Variants in AASDHPPT observed in about 807,000 individuals in gnomAD.
The protein encoded by AASDHPPT is L-aminoadipate-semialdehyde dehydrogenase-phosphopantetheinyl transferase.
In AASDHPPT, 23 loss-of-function variants were observed where a neutral mutation model predicts 36.4. The ratio of observed to expected loss-of-function variants is 0.63; its 90% CI spans 0.45 to 0.89. The LOEUF is 0.89. Among genes scored for constraint, AASDHPPT ranks in the 40% least tolerant of loss-of-function variants. AASDHPPT has a pLI of 0.00. For missense variants in AASDHPPT, 377 were observed against 378.2 expected (o/e 1.00, Z 0.03); for synonymous variants, 115 against 128.0 (o/e 0.90, Z 0.68).
rs377422618 is a variant in AASDHPPT at position 106,096,870 on chromosome 11, C to T, written c.893C>T (p.Thr298Ile). Residue 298 changes from threonine to isoleucine, a missense_variant, in exon 6 of 6, where the codon ACA becomes ATA. Physicochemically the swap from Thr to Ile is moderately conservative, Grantham distance 89. Coordinates refer to ENST00000278618, the MANE Select transcript of AASDHPPT (RefSeq NM_015423.3). ...DPSFWDCFCFTEEIPIRNGTK... is the reference protein window; with the variant it reads ...DPSFWDCFCFIEEIPIRNGTK... The stretch of plus-strand genomic sequence containing the variant: ...TCATTTTGGGACTGTTTTTGCTTCA[C>T]AGAAGAAATTCCAATACGAAATGGT... The T allele has an allele frequency of 1.2e-6, 2 of 1,609,962 alleles. No homozygotes were observed. Among genetic ancestry groups the T allele is most frequent in the East Asian group, 4.5e-5 (2 of 44,636 alleles).
intron 1 of AASDHPPT, 143 bp downstream of exon 1, chr11:106,078,036 G>A: frequency 8.8e-7 from 1 of 1,136,964 alleles, no homozygotes; most frequent in South Asian, 1.6e-5. Context: ...ACAGCAGCCG[G>A]CGCTGCGGAG....
chr11:106,083,554 T>G (rs906228310), intron 2 of AASDHPPT, among the ~76,000 whole-genome samples: 2 of 152,188 alleles, frequency 1.3e-5, no homozygotes, highest in African/African-American at 2.4e-5. Context: ...AGTAAGGGTC[T>G]TGCCTTACCA....
intron 2 of AASDHPPT, among the ~76,000 whole-genome samples, chr11:106,087,517 T>G (rs541284429): frequency 4.3e-4 from 66 of 152,212 alleles, no homozygotes; most frequent in Non-Finnish European, 8.5e-4. Context: ...TCCACTTCCC[T>G]CAAAAATGAC....
chr11:106,077,860 G>A lies in AASDHPPT; in HGVS notation c.150G>A (p.Gln50=), dbSNP rs771376653. Residue 50 remains glutamine, a synonymous_variant, in exon 1 of 6, where the codon CAG becomes CAA. Coordinates refer to ENST00000278618, the MANE Select transcript of AASDHPPT (RefSeq NM_015423.3). ...CCGAGGAGAAGGAGCGCATTGGCCA[G>A]TTCGTCTTTGCCCGGGACGCTAAGG... The part of the protein sequence containing the change: ...IQPEEKERIG[Q]FVFARDAKAA... 6.8e-6 allele frequency: 11 copies of A among 1,614,194 alleles called. No homozygotes were observed. The highest frequency in any genetic ancestry group is 8.5e-6 in the Non-Finnish European group (10 of 1,179,990).
At chr11:106,078,609 A>G (rs1183006102) in intron 1 of AASDHPPT, among the ~76,000 whole-genome samples, 1 of 152,208 alleles carries the variant, frequency 6.6e-6, no homozygotes, top group East Asian at 1.9e-4. Context: ...ATATTGAAAC[A>G]CTTTCTGTTT....
chr11:106,089,958 A>G (rs1861238261), intron 2 of AASDHPPT, among the ~76,000 whole-genome samples: 1 of 152,040 alleles, frequency 6.6e-6, no homozygotes, highest in African/African-American at 2.4e-5. Context: ...TGAATAAGTC[A>G]TATTAGAAAA....
intron 5 of AASDHPPT, 51 bp downstream of exon 5, chr11:106,094,705 G>C: frequency 7.0e-7 from 1 of 1,420,026 alleles, no homozygotes; most frequent in Non-Finnish European, 9.7e-7. Flanking sequence ...TCAATGTTAA[G>C]TTTGCTCTTT....
chr11:106,090,929 G>C (rs556257274), intron 3 of AASDHPPT, among the ~76,000 whole-genome samples: 1 of 152,046 alleles, frequency 6.6e-6, no homozygotes, highest in African/African-American at 2.4e-5. Context: ...CATTACCATT[G>C]ATAAATAATA....
chr11:106,094,635 A>T lies in AASDHPPT; in HGVS notation c.746A>T (p.Asp249Val). The T allele has an allele frequency of 6.2e-7, 1 of 1,605,822 alleles. No homozygotes were observed. Among genetic ancestry groups the T allele is most frequent in the African/African-American group, 1.3e-5 (1 of 74,708 alleles). The change falls in exon 5 of 6, where the codon GAT becomes GTT. Residue 249 changes from aspartate to valine, a missense_variant. By Grantham distance (152) the Asp-to-Val change is radical. Coordinates refer to ENST00000278618, the MANE Select transcript of AASDHPPT (RefSeq NM_015423.3). ...GTTGCAGTTGCTCTTAGGAAACCCG[A>T]TGGATCTAGACATCAGGATGTAAGA... The part of the protein sequence containing the change: ...HFVAVALRKP[D>V]GSRHQDVPSQ...
At chr11:106,080,919 A>G (rs142981686) in intron 2 of AASDHPPT, among the ~76,000 whole-genome samples, 238 of 152,316 alleles carry the variant, frequency 1.6e-3, no homozygotes, top group African/African-American at 2.8e-3. Context: ...TGAGCCTTCA[A>G]TCTAAGCTAG....
intron 4 of AASDHPPT, 143 bp downstream of exon 4, chr11:106,091,620 A>G (rs1049489102): frequency 8.3e-6 from 6 of 724,638 alleles, no homozygotes; most frequent in Admixed American, 7.2e-5. Context: ...CAGGGCTACT[A>G]TGAGAGCATG....
chr11:106,079,395 T>C, intron 1 of AASDHPPT, 72 bp from the exon 2 acceptor site: 1 of 1,299,908 alleles, frequency 7.7e-7, no homozygotes, highest in Non-Finnish European at 1.0e-6. Flanking sequence ...CAAAAAAAAG[T>C]ACTATTGCAT....
In AASDHPPT at chr11:106,079,608, A is replaced by G. The variant is rs528924003; in HGVS notation, c.325A>G (p.Ile109Val). 1.2e-5 allele frequency: 19 copies of G among 1,614,122 alleles called. No individual in the cohort carries two copies. The highest frequency in any genetic ancestry group is 1.6e-5 in the Non-Finnish European group (19 of 1,180,032). Residue 109 changes from isoleucine to valine, a missense_variant, in exon 2 of 6, where the codon ATC becomes GTC. By Grantham distance (29) the Ile-to-Val change is conservative. Coordinates refer to ENST00000278618, the MANE Select transcript of AASDHPPT (RefSeq NM_015423.3). ...SNPYPNFNFN[I>V]SHQGDYAVLA... ...TCCTTACCCGAATTTCAACTTTAAC[A>G]TCTCTCATCAAGGAGACTATGCAGT...
At position 106,096,986 on chromosome 11, in the gene AASDHPPT, A is replaced by T. The variant is rs909811744; in HGVS notation, c.*79A>T. 3.7e-6 allele frequency: 5 copies of T among 1,357,002 alleles called. No individual in the cohort carries two copies. In the Admixed American group the frequency reaches 1.0e-4, roughly 28 times the overall value. The allele number at this position is 1,357,002 out of a possible 1,614,324, so 84.1% of individuals were successfully genotyped here. On this transcript the variant is annotated 3_prime_UTR_variant, in exon 6 of 6. Coordinates refer to ENST00000278618, the MANE Select transcript of AASDHPPT (RefSeq NM_015423.3). ...ACTGAAAAATAAATGCTTGTTTAGT[A>T]TCAAATTTTATTTCACGAAAGTTTT...
At chr11:106,079,442 A>G in intron 1 of AASDHPPT, 25 bp from the exon 2 acceptor site, 2 of 1,561,852 alleles carry the variant, frequency 1.3e-6, no homozygotes, top group South Asian at 1.2e-5. Flanking sequence ...ATCAGTACAT[A>G]CCAAATGTTT....
chr11:106,080,752 T>G (rs894585802), intron 2 of AASDHPPT, among the ~76,000 whole-genome samples: 2 of 152,232 alleles, frequency 1.3e-5, no homozygotes, highest in Non-Finnish European at 2.9e-5. Flanking sequence ...AGTAAAACTA[T>G]CTAATCTCCA....
Position 106,091,347 on chromosome 11 carries a change from G to C in AASDHPPT, c.563G>C (p.Gly188Ala), listed in dbSNP as rs1230124300. Residue 188 changes from glycine (G) to alanine (A), a missense_variant, in exon 4 of 6, where the codon GGT (glycine) becomes GCT (alanine). By Grantham distance (60) the Gly-to-Ala change is moderately conservative. Transcript: ENST00000278618. ...ALKESFIKAI[G>A]VGLGFELQRL... is the part of the protein sequence containing the mutation. ...AAGGAAAGCTTCATAAAAGCCATTG[G>C]TGTTGGACTAGGATTTGAATTGCAG... 1.2e-6 allele frequency: 2 copies of C among 1,608,434 alleles called. No homozygotes were observed. The highest frequency in any genetic ancestry group is 3.4e-5 in the Admixed American group (2 of 59,010).
intron 4 of AASDHPPT, chr11:106,093,089 C>T (rs1861272361): frequency 6.6e-6 from 1 of 152,020 alleles, no homozygotes; most frequent in Non-Finnish European, 1.5e-5. Flanking sequence ...TGTTGGTATC[C>T]AAGGACAGAA....
chr11:106,085,726 T>C (rs997696380), intron 2 of AASDHPPT, among the ~76,000 whole-genome samples: 2 of 152,242 alleles, frequency 1.3e-5, no homozygotes, highest in Non-Finnish European at 2.9e-5. Context: ...AGAGCTAATA[T>C]TTATTAAGTA....
Sources: allele counts gnomAD v4.1 joint callset (sites outside exome capture counted in the v4.1 genomes callset), GRCh38; gene constraint gnomAD v4.1.1; transcripts MANE v1.5; gene names NCBI Gene and HGNC (gene_info 2026-07-23, HGNC 2026-07-21).